Variants in HSPD1 observed in about 807,000 individuals in gnomAD.
HSPD1 encodes 60 kDa heat shock protein, mitochondrial.
Under a neutral mutation model 53.0 loss-of-function variants are expected in HSPD1, and 3 were observed. That is an observed-to-expected ratio of 0.06 (90% CI 0.03 to 0.15). HSPD1 has a LOEUF of 0.15. Ranked by LOEUF, HSPD1 falls within the 10% of genes least tolerant of loss-of-function variation. HSPD1 has a pLI of 1.00. For missense variants in HSPD1, 431 were observed against 694.1 expected (o/e 0.62, Z 4.26); for synonymous variants, 200 against 228.0 (o/e 0.88, Z 1.10).
chr2:197,499,266 A>G lies in HSPD1; in HGVS notation c.-2-416T>C, dbSNP rs1258114379. The G allele has an allele frequency of 2.0e-5, 6 of 295,612 alleles. No individual in the cohort carries two copies. In the Admixed American group the frequency reaches 3.0e-4, roughly 15 times the overall value. The allele number at this position is 295,612 out of a possible 1,614,324, so 18.3% of individuals were successfully genotyped here. ...GTTAAAAGTATTCCTGACGGTGCAA[A>G]AAGCCGCTCAGCAAAGTGTCTCCAT... On this transcript the variant is annotated intron_variant, in intron 1 of 11. Transcript: ENST00000388968.
intron 2 of HSPD1, among the ~76,000 whole-genome samples, chr2:197,497,749 G>A (rs1251520185): frequency 6.6e-6 from 1 of 152,216 alleles, no homozygotes; most frequent in Non-Finnish European, 1.5e-5. Context: ...AAAGTAATGT[G>A]ACTTGTTTTA....
intron 8 of HSPD1, among the ~76,000 whole-genome samples, chr2:197,489,892 A>C (rs1431350027): frequency 6.6e-6 from 1 of 152,046 alleles, no homozygotes; most frequent in Non-Finnish European, 1.5e-5. Context: ...TTAAGTCAAT[A>C]AGAATAGTCA....
chr2:197,494,852 T>C (rs1306838216), intron 4 of HSPD1, 100 bp from the exon 5 acceptor site: 7 of 798,998 alleles, frequency 8.8e-6, no homozygotes, highest in Admixed American at 1.9e-5. Context: ...GATACTTCCA[T>C]CCAGGGGAGA....
At chr2:197,488,148 A>G in intron 10 of HSPD1, 112 bp from the exon 11 acceptor site, 1 of 1,002,680 alleles carries the variant, frequency 1.0e-6, no homozygotes, top group Non-Finnish European at 1.5e-6. Flanking sequence ...TACAGATCAA[A>G]TCATTTCCTC....
chr2:197,491,746 A>G (rs1227009012), intron 7 of HSPD1, among the ~76,000 whole-genome samples: 1 of 152,230 alleles, frequency 6.6e-6, no homozygotes, highest in Non-Finnish European at 1.5e-5. Flanking sequence ...TATAGCTTAA[A>G]ATGTAGATTT....
At chr2:197,490,031 A>G (rs1223450621) in intron 8 of HSPD1, among the ~76,000 whole-genome samples, 166 bp downstream of exon 8, 4 of 152,250 alleles carry the variant, frequency 2.6e-5, no homozygotes, top group Non-Finnish European at 5.9e-5. Flanking sequence ...GCTCATTCTT[A>G]GGCCAGACTT....
chr2:197,497,008 T>C, intron 3 of HSPD1, 132 bp downstream of exon 3: 1 of 922,072 alleles, frequency 1.1e-6, no homozygotes, highest in Admixed American at 2.0e-5. Flanking sequence ...CAGTTTAAGA[T>C]TTCTCCAGGC....
At chr2:197,499,205 G>A (rs1054415598) in intron 1 of HSPD1, 1 of 377,844 alleles carries the variant, frequency 2.6e-6, no homozygotes, top group Non-Finnish European at 5.0e-6. Context: ...AAGTCAGCCG[G>A]AGAGAGGCAA....
chr2:197,489,131 ACCTTTT>A lies in HSPD1; in HGVS notation c.1080_1085del (p.Lys361_Gly362del). On this transcript the variant is annotated inframe_deletion, in exon 9 of 12. Transcript: ENST00000388968. ...TACGTTTTTCAATTTGAGCCTTGTC[ACCTTTT>A]CCTTTTAAGAGCATGGCATCGTCTT... The A allele has an allele frequency of 6.2e-7, 1 of 1,614,034 alleles. No individual in the cohort carries two copies. The highest frequency in any genetic ancestry group is 8.5e-7 in the Non-Finnish European group (1 of 1,179,980).
chr2:197,494,103 ACT>A (rs1281962025), intron 6 of HSPD1, 52 bp downstream of exon 6: 3 of 883,856 alleles, frequency 3.4e-6, no homozygotes, highest in Non-Finnish European at 3.8e-6. Flanking sequence ...AGAGAATGAG[ACT>A]CTGTCTAAAA....
rs11551349 is a variant in HSPD1, at chr2:197,498,822, G to C, written c.27C>G (p.Arg9=). The change falls in exon 2 of 12, where the codon CGC becomes CGG. Residue 9 remains arginine, a synonymous_variant. Coordinates refer to ENST00000388968, the MANE Select transcript of HSPD1 (RefSeq NM_002156.5). MLRLPTVF[R]QMRPVSRVLA... is the part of the protein sequence containing the mutation. Reference sequence around the variant, plus strand: ...GTACCCTGGACACCGGTCTCATCTGGCGAAAGACTGTGGGTAACCGAAGCA... The same window carrying C: ...GTACCCTGGACACCGGTCTCATCTGCCGAAAGACTGTGGGTAACCGAAGCA... 10,484 of 1,614,142 alleles carry C rather than the reference G, an allele frequency of 6.5e-3. 52 individuals are homozygous for C. Among genetic ancestry groups the C allele is most frequent in the South Asian group, 8.1e-3 (738 of 91,090 alleles).
intron 9 of HSPD1, among the ~76,000 whole-genome samples, 185 bp from the exon 10 acceptor site, chr2:197,488,676 C>T (rs1424643098): frequency 6.6e-6 from 1 of 152,132 alleles, no homozygotes; most frequent in African/African-American, 2.4e-5. Context: ...TGAGACCAGC[C>T]TGACCAACAT....
chr2:197,495,849 T>C (rs963224862), intron 3 of HSPD1, among the ~76,000 whole-genome samples: 2 of 152,186 alleles, frequency 1.3e-5, no homozygotes, highest in Non-Finnish European at 2.9e-5. Context: ...ACAGTAACTT[T>C]AGGTTCACAC....
intron 8 of HSPD1, 138 bp downstream of exon 8, chr2:197,490,059 A>C: frequency 1.4e-6 from 1 of 730,330 alleles, no homozygotes. Context: ...ATTAACGGGA[A>C]TTTAATCCAA....
chr2:197,487,733 G>A, intron 11 of HSPD1, 125 bp downstream of exon 11: 1 of 744,810 alleles, frequency 1.3e-6, no homozygotes, highest in Non-Finnish European at 2.4e-6. Context: ...ATGGGCACAA[G>A]AGCTATTGCT....
At chr2:197,500,163 G>C (rs1436747111), upstream of HSPD1, 2 of 546,948 alleles carry the variant, frequency 3.7e-6, no homozygotes, top group South Asian at 2.3e-5. Context: ...CTTTCACCTC[G>C]GCTGGGCGCC....
chr2:197,495,478 T>TA (rs373676717), intron 3 of HSPD1, 102 bp from the exon 4 acceptor site: 1,508 of 756,366 alleles, frequency 2.0e-3, no homozygotes, highest in East Asian at 2.4e-3. Flanking sequence ...TGCCTTAACT[T>TA]AAAAAAAAAA....
At chr2:197,499,866 T>G (rs777039079), upstream of HSPD1, 1 of 152,724 alleles carries the variant, frequency 6.5e-6, no homozygotes, top group Non-Finnish European at 1.5e-5. Flanking sequence ...CACACCGCAA[T>G]GAGCCCGTGT....
At chr2:197,487,501 C>G (rs965956339) in intron 11 of HSPD1, among the ~76,000 whole-genome samples, 16 of 152,184 alleles carry the variant, frequency 1.1e-4, no homozygotes, top group African/African-American at 3.9e-4. Context: ...TGCCTGCACT[C>G]CAGCCTGGGC....
Sources: allele counts gnomAD v4.1 joint callset (sites outside exome capture counted in the v4.1 genomes callset), GRCh38; gene constraint gnomAD v4.1.1; transcripts MANE v1.5; gene names NCBI Gene and HGNC (gene_info 2026-07-23, HGNC 2026-07-21).